The following CMIP variants were observed in gnomAD, a reference collection of about 807,000 sequenced individuals.
CMIP encodes the protein C-Maf-inducing protein.
A neutral mutation model predicts 97.3 loss-of-function variants in CMIP; 13 were observed. The ratio of observed to expected loss-of-function variants is 0.13; its 90% CI spans 0.09 to 0.21. The LOEUF is 0.21. Among genes scored for constraint, CMIP ranks in the 10% least tolerant of loss-of-function variants. CMIP has a pLI of 1.00. For missense variants in CMIP, 847 were observed against 1,024.9 expected (o/e 0.83, Z 2.37); for synonymous variants, 538 against 436.3 (o/e 1.23, Z -2.91).
chr16:81,467,524 G>A (rs188082145), intron 1 of CMIP, among the ~76,000 whole-genome samples: 39 of 151,988 alleles, frequency 2.6e-4, no homozygotes, highest in Admixed American at 5.9e-4. Flanking sequence ...GAGGAATTTA[G>A]TGTTTTTACT....
At chr16:81,646,241 C>CGGGT (rs1203979532) in intron 3 of CMIP, among the ~76,000 whole-genome samples, 1 of 5,016 alleles carries the variant, frequency 2.0e-4, no homozygotes, top group Non-Finnish European at 5.0e-4. Context: ...GATGGGTGGG[C>CGGGT]GGGTGGGTGG....
chr16:81,657,614 C>A (rs1441988351), intron 4 of CMIP, among the ~76,000 whole-genome samples, 161 bp from the exon 5 acceptor site: 1 of 152,150 alleles, frequency 6.6e-6, no homozygotes, highest in Non-Finnish European at 1.5e-5. Context: ...GACCTTGCCC[C>A]TGAGGGTGTT....
At chr16:81,549,543 G>C (rs886285123) in intron 1 of CMIP, among the ~76,000 whole-genome samples, 2 of 152,154 alleles carry the variant, frequency 1.3e-5, no homozygotes, top group African/African-American at 4.8e-5. Flanking sequence ...GTGTGTGTTG[G>C]GGGCGGGGGG....
chr16:81,637,586 G>T (rs778056079), intron 3 of CMIP, among the ~76,000 whole-genome samples: 7 of 152,196 alleles, frequency 4.6e-5, no homozygotes. Flanking sequence ...ATAAGAAGCG[G>T]AAAAGAAATT....
intron 1 of CMIP, among the ~76,000 whole-genome samples, chr16:81,483,387 G>T (rs2089261549): frequency 6.6e-6 from 1 of 152,198 alleles, no homozygotes; most frequent in Non-Finnish European, 1.5e-5. Flanking sequence ...CTTGAGGAGG[G>T]TGGCAGGAGG....
intron 1 of CMIP, among the ~76,000 whole-genome samples, chr16:81,484,037 C>T (rs997429158): frequency 1.3e-5 from 2 of 152,156 alleles, no homozygotes; most frequent in African/African-American, 2.4e-5. Flanking sequence ...TTGTTAAACA[C>T]CTACTGTGTC....
chr16:81,696,492 C>A, intron 13 of CMIP, 68 bp from the exon 14 acceptor site: 3 of 1,447,228 alleles, frequency 2.1e-6, no homozygotes, highest in Non-Finnish European at 2.8e-6. Flanking sequence ...TTCATGTGTG[C>A]AGATCATGGT....
At chr16:81,504,332 G>T (rs2089665772) in intron 1 of CMIP, among the ~76,000 whole-genome samples, 1 of 150,934 alleles carries the variant, frequency 6.6e-6, no homozygotes, top group Non-Finnish European at 1.5e-5. Context: ...TCAAAAAAAG[G>T]AAAAAAGAAA....
intron 1 of CMIP, among the ~76,000 whole-genome samples, chr16:81,446,204 C>G (rs912690820): frequency 1.3e-5 from 2 of 151,862 alleles, no homozygotes; most frequent in East Asian, 3.9e-4. Context: ...GAGTTCTAGC[C>G]TAGAAGCTGC....
At position 81,702,641 on chromosome 16, in the gene CMIP, C is replaced by T; in HGVS notation, c.1916C>T (p.Thr639Ile). ...LKELQRKGGP[T>I]RLTLPSKSTD... is the part of the protein sequence containing the mutation. ...TTGCAGCAAAGGAAAGGCGGGCCCACCAGGCTAACACTGCCCTCCAAGTCC... is the reference window on the plus strand; with the variant it reads ...TTGCAGCAAAGGAAAGGCGGGCCCATCAGGCTAACACTGCCCTCCAAGTCC... The change falls in exon 17 of 21, where the codon ACC (threonine) becomes ATC (isoleucine). Residue 639 changes from threonine (T) to isoleucine (I), a missense_variant. Around this residue, in one of 4 missense-constraint regions of CMIP, gnomAD observed 266 missense variants for 384.2 expected, o/e 0.69. Transcript: ENST00000537098. 5.0e-6 allele frequency: 8 copies of T among 1,613,550 alleles called. No homozygotes were observed. The highest frequency in any genetic ancestry group is 5.9e-6 in the Non-Finnish European group (7 of 1,179,712).
intron 1 of CMIP, among the ~76,000 whole-genome samples, chr16:81,523,980 T>C (rs572836923): frequency 2.0e-5 from 3 of 152,390 alleles, no homozygotes; most frequent in African/African-American, 7.2e-5. Context: ...GGTGTGCCTG[T>C]ACGTGTGTAT....
Position 81,709,915 on chromosome 16 carries a change from T to C in CMIP, c.*116T>C. 1 of 100,288 alleles carries C rather than the reference T, an allele frequency of 1.0e-5. No homozygotes were observed. The highest frequency in any genetic ancestry group is 1.4e-4 in the South Asian group (1 of 7,266). The allele number at this position is 100,288 out of a possible 1,614,324, so 6.2% of individuals were successfully genotyped here. ...CCTGGTGCCCTGGCTGTGAGATAGA[T>C]GGGGAGTCTTTCTGGGGGCGGAGGG... On this transcript the variant is annotated 3_prime_UTR_variant, in exon 21 of 21. Transcript: ENST00000537098.
At chr16:81,626,217 G>A (rs374357047) in intron 3 of CMIP, among the ~76,000 whole-genome samples, 2,155 of 151,544 alleles carry the variant, frequency 0.014, 37 homozygotes, top group African/African-American at 0.04. Flanking sequence ...GTGTGTGTGC[G>A]CGTGAGAATG....
chr16:81,694,065 T>C (rs1294065371), intron 13 of CMIP, among the ~76,000 whole-genome samples: 1 of 152,204 alleles, frequency 6.6e-6, no homozygotes, highest in East Asian at 1.9e-4. Flanking sequence ...CACCAGCAGC[T>C]GTCTTTTAGG....
In CMIP at chr16:81,445,216, C is replaced by T. The variant is rs1380819910; in HGVS notation, c.-26C>T. 3 of 1,476,526 alleles carry T rather than the reference C, an allele frequency of 2.0e-6. No individual in the cohort carries two copies. The highest frequency in any genetic ancestry group is 2.8e-5 in the African/African-American group (2 of 70,956). The allele number at this position is 1,476,526 out of a possible 1,614,324, so 91.5% of individuals were successfully genotyped here. On this transcript the variant is annotated 5_prime_UTR_variant, in exon 1 of 21. Coordinates refer to ENST00000537098, the MANE Select transcript of CMIP (RefSeq NM_198390.3). ...GCCCAGGACAGCCCCCTCTCCCCGC[C>T]CCCAGCCCCCTCCCCCGGCGCGGCC...
intron 1 of CMIP, among the ~76,000 whole-genome samples, chr16:81,454,558 C>A (rs1208677026): frequency 6.6e-6 from 1 of 152,150 alleles, no homozygotes; most frequent in African/African-American, 2.4e-5. Context: ...GCCAGCTATT[C>A]GTAAAGGGTA....
intron 1 of CMIP, among the ~76,000 whole-genome samples, chr16:81,589,520 A>T (rs986032004): frequency 6.9e-6 from 1 of 144,960 alleles, no homozygotes; most frequent in Non-Finnish European, 1.5e-5. Context: ...GCGAGTGCTT[A>T]TGGGCAGGGC....
intron 1 of CMIP, among the ~76,000 whole-genome samples, chr16:81,488,560 A>G (rs1409458228): frequency 1.3e-5 from 2 of 152,040 alleles, no homozygotes; most frequent in East Asian, 3.8e-4. Context: ...CAGTGGATAT[A>G]TGCGTCTCCT....
chr16:81,501,304 C>T (rs1323042341), intron 1 of CMIP, among the ~76,000 whole-genome samples: 1 of 152,220 alleles, frequency 6.6e-6, no homozygotes, highest in Non-Finnish European at 1.5e-5. Flanking sequence ...CAGCAAATGC[C>T]CGTCCTATTT....
Sources: gnomAD v4.1 joint callset for allele counts (sites outside exome capture counted in the v4.1 genomes callset) on GRCh38, gnomAD v4.1.1 for gene constraint, gnomAD v4.1.1 regional missense constraint, MANE v1.5 for transcripts, NCBI Gene and HGNC (gene_info 2026-07-23, HGNC 2026-07-21) for gene names.